The following OTOA variants were observed in gnomAD, a reference collection of about 807,000 sequenced individuals.
The protein encoded by OTOA is cancer/testis antigen 108.
In OTOA, 70 loss-of-function variants were observed where a neutral mutation model predicts 110.8. The ratio of observed to expected loss-of-function variants is 0.63; its 90% confidence interval spans 0.52 to 0.77. OTOA has a LOEUF of 0.77. OTOA is among the 30% of genes least tolerant of loss of function. OTOA has a pLI of 0.00. For missense variants in OTOA, 917 were observed against 1,075.8 expected, an observed-to-expected ratio of 0.85 and a Z score of 2.06; for synonymous variants, 373 against 431.5, an observed-to-expected ratio of 0.86 and a Z score of 1.68.
chr16:21,685,355 C>T lies in OTOA; in HGVS notation c.393C>T (p.Asp131=), dbSNP rs367679697. 2.5e-5 allele frequency: 41 copies of T among 1,611,082 alleles called. No homozygotes were observed. The highest frequency in any genetic ancestry group is 1.1e-5 in the South Asian group (1 of 91,026). Residue 131 remains aspartate (D), a synonymous_variant, in exon 7 of 29, where the codon GAC becomes GAT. Coordinates refer to ENST00000646100, the MANE Select transcript of OTOA (RefSeq NM_144672.4). ...AATGCCTCTTAGAAGACAAGAAGGA[C>T]GGCTTGGTGAGGAGCCCTTGGCATC... ...AMKCLLEDKK[D]GLDLKDIIID...
At position 21,698,389 on chromosome 16, in the gene OTOA, C is replaced by T. The variant is rs566794102; in HGVS notation, c.840+514C>T. 2.6e-5 allele frequency among the ~76,000 whole-genome samples: 4 copies of T among 152,296 alleles called. No individual in the cohort carries two copies. The South Asian group carries it at 8.3e-4, about 32-fold the overall frequency. ...ATACACACATTCTAGGATTACTTAA[C>T]TCACTAGTCAACCTGTCCCTCTCCT... On this transcript the variant is annotated intron_variant, in intron 10 of 28. Coordinates refer to ENST00000646100, the MANE Select transcript of OTOA (RefSeq NM_144672.4).
intron 1 of OTOA, among the ~76,000 whole-genome samples, chr16:21,665,329 C>T (rs950467011): frequency 6.6e-6 from 1 of 152,166 alleles, no homozygotes; most frequent in Non-Finnish European, 1.5e-5. Flanking sequence ...TCTCAGAACC[C>T]ATTTGCTCAT....
intron 5 of OTOA, 59 bp from the exon 6 acceptor site, chr16:21,681,679 A>G (rs1966894037): frequency 1.4e-6 from 2 of 1,444,786 alleles, no homozygotes; most frequent in African/African-American, 1.4e-5. Flanking sequence ...TAGCTAGTAC[A>G]GTAGTGCTTG....
At chr16:21,727,012 G>GTTT (rs543449382) in intron 19 of OTOA, 408 of 143,878 alleles carry the variant, frequency 2.8e-3, no homozygotes, top group South Asian at 8.5e-3. Context: ...CCCCCTTAGA[G>GTTT]TTTTTTTTTT....
At chr16:21,669,009 T>C (rs547482514) in intron 1 of OTOA, among the ~76,000 whole-genome samples, 1 of 152,174 alleles carries the variant, frequency 6.6e-6, no homozygotes, top group East Asian at 1.9e-4. Context: ...TCCGTAAATT[T>C]ACTTTCTTGG....
intron 13 of OTOA, among the ~76,000 whole-genome samples, chr16:21,714,496 C>CTT (rs768398460): frequency 0.033 from 2,755 of 83,690 alleles, 29 homozygotes; most frequent in East Asian, 0.054. Flanking sequence ...CTCTCTCTCT[C>CTT]TCTCTTTCTT....
At chr16:21,690,110 T>C (rs1195328618) in intron 8 of OTOA, among the ~76,000 whole-genome samples, 2 of 152,154 alleles carry the variant, frequency 1.3e-5, no homozygotes, top group African/African-American at 4.8e-5. Flanking sequence ...GGAATATTCT[T>C]TGGAAGGTGT....
chr16:21,737,286 A>T (rs1364626677), intron 22 of OTOA, among the ~76,000 whole-genome samples: 2 of 152,056 alleles, frequency 1.3e-5, no homozygotes, highest in African/African-American at 4.8e-5. Flanking sequence ...GTATAGTGGC[A>T]TGATCTCGGC....
Position 21,700,902 on chromosome 16 carries a change from C to T in OTOA, c.855C>T (p.Ile285=). The change falls in exon 11 of 29, where the codon ATC becomes ATT. Residue 285 remains isoleucine (I), a synonymous_variant. Coordinates refer to ENST00000646100, the MANE Select transcript of OTOA (RefSeq NM_144672.4). ...KISPIEIGLF[I]SYDNATKQLD... is the part of the protein sequence containing the mutation. Reference sequence around the variant, plus strand: ...CCACCAACTAGATTGGGCTGTTTATCAGCTATGACAACGCCACCAAGCAGC... The same window carrying T: ...CCACCAACTAGATTGGGCTGTTTATTAGCTATGACAACGCCACCAAGCAGC... 6.2e-7 allele frequency: 1 copy of T among 1,614,050 alleles called. No individual in the cohort carries two copies. Among genetic ancestry groups the T allele is most frequent in the Non-Finnish European group, 8.5e-7 (1 of 1,180,020 alleles).
chr16:21,716,969 A>T lies in OTOA; in HGVS notation c.1551A>T (p.Glu517Asp). The T allele has an allele frequency of 6.2e-7, 1 of 1,614,050 alleles. No homozygotes were observed. Among genetic ancestry groups the T allele is most frequent in the Non-Finnish European group, 8.5e-7 (1 of 1,179,998 alleles). Residue 517 changes from glutamate (E) to aspartate (D), a missense_variant, in exon 15 of 29, where the codon GAA becomes GAT. Physicochemically the swap from Glu to Asp is conservative, Grantham distance 45. This residue lies in a region of OTOA where 840 missense variants were observed against 910.2 expected (regional missense o/e 0.92). Transcript: ENST00000646100. ...IVEIQGAFFKEVSLFDLRRQP... is the reference protein window; with the variant it reads ...IVEIQGAFFKDVSLFDLRRQP... ...AGATACAAGGGGCTTTCTTTAAGGA[A>T]GTGTCTCTCTTTGATTTAAGGAGGC...
At chr16:21,714,253 TTCTTTC>T (rs1459271673) in intron 13 of OTOA, among the ~76,000 whole-genome samples, 2 of 4,644 alleles carry the variant, frequency 4.3e-4, no homozygotes, top group Non-Finnish European at 1.7e-3. Flanking sequence ...TCTTTCTTTT[TTCTTTC>T]TTTCTTTCTT....
chr16:21,755,957 CAG>C (rs1269438374), intron 27 of OTOA, among the ~76,000 whole-genome samples: 1 of 151,300 alleles, frequency 6.6e-6, no homozygotes, highest in Non-Finnish European at 1.5e-5. Context: ...GAGAGGTGGG[CAG>C]AGTTTTTTCC....
At chr16:21,684,284 C>T (rs1006681772) in intron 6 of OTOA, 3 of 1,242,478 alleles carry the variant, frequency 2.4e-6, no homozygotes, top group Admixed American at 3.7e-5. Flanking sequence ...CTAGAGTTCA[C>T]CTTTTGCCCA....
chr16:21,701,175 G>A, intron 11 of OTOA, 148 bp downstream of exon 11: 6 of 1,240,706 alleles, frequency 4.8e-6, no homozygotes, highest in Non-Finnish European at 6.8e-6. Context: ...TGCATGTGAG[G>A]AGAGGTGTCT....
intron 1 of OTOA, among the ~76,000 whole-genome samples, chr16:21,669,435 A>G (rs1450697745): frequency 6.6e-6 from 1 of 152,078 alleles, no homozygotes; most frequent in Non-Finnish European, 1.5e-5. Flanking sequence ...TGCTTCTGAC[A>G]GCACCTCTCC....
chr16:21,727,597 T>C (rs1898962257), intron 19 of OTOA, among the ~76,000 whole-genome samples: 2 of 152,206 alleles, frequency 1.3e-5, no homozygotes, highest in African/African-American at 4.8e-5. Flanking sequence ...TTGAAGGCTT[T>C]CAAGTGGCAT....
intron 7 of OTOA, among the ~76,000 whole-genome samples, chr16:21,685,807 G>T (rs1219180237): frequency 6.6e-6 from 1 of 152,106 alleles, no homozygotes; most frequent in Non-Finnish European, 1.5e-5. Flanking sequence ...GCCTGCCTCG[G>T]CATCCCAAAG....
At chr16:21,732,247 G>A (rs1181875594) in intron 21 of OTOA, among the ~76,000 whole-genome samples, 1 of 152,250 alleles carries the variant, frequency 6.6e-6, no homozygotes, top group African/African-American at 2.4e-5. Flanking sequence ...TTACAGGCGT[G>A]AGCCACCATG....
chr16:21,699,745 C>G (rs1330907836), intron 10 of OTOA, among the ~76,000 whole-genome samples: 1 of 151,964 alleles, frequency 6.6e-6, no homozygotes, highest in African/African-American at 2.4e-5. Flanking sequence ...ATGGCGAAAC[C>G]CCGTCTCTAC....
Sources: allele counts gnomAD v4.1 joint callset (sites outside exome capture counted in the v4.1 genomes callset), GRCh38; gene constraint gnomAD v4.1.1; regional missense constraint gnomAD v4.1.1; transcripts MANE v1.5; gene names NCBI Gene and HGNC (gene_info 2026-07-23, HGNC 2026-07-21).